Variants in CDK14 observed in about 807,000 individuals in gnomAD.
CDK14 encodes cyclin dependent kinase 14, also known as cyclin-dependent kinase 14.
CDK14 carries 34 observed loss-of-function variants against 60.7 expected under a neutral mutation model. The observed-to-expected ratio is 0.56, with a 90% confidence interval of 0.43 to 0.75. The LOEUF (loss-of-function observed/expected upper bound fraction) is 0.75, where lower values mean the gene tolerates loss of function less well. Among genes scored for constraint, CDK14 ranks in the 30% least tolerant of loss-of-function variants. The probability of loss-of-function intolerance (pLI) is 0.00; values close to 1 mark genes in which losing one functional copy is unlikely to be tolerated. For missense variants in CDK14, 482 were observed against 564.1 expected (o/e 0.85, Z 1.47); for synonymous variants, 197 against 203.7 (o/e 0.97, Z 0.28).
chr7:90,922,515 A>G (rs981844944), intron 8 of CDK14, among the ~76,000 whole-genome samples: 1 of 152,158 alleles, frequency 6.6e-6, no homozygotes, highest in African/African-American at 2.4e-5. Flanking sequence ...GACTATTAAG[A>G]TTACATGTTA....
intron 11 of CDK14, among the ~76,000 whole-genome samples, chr7:91,075,419 C>T (rs960856642): frequency 8.5e-5 from 13 of 152,134 alleles, no homozygotes; most frequent in East Asian, 1.9e-4. Flanking sequence ...AATTCAACAT[C>T]GCTTCATGTT....
chr7:90,945,389 G>A (rs911602771), intron 8 of CDK14, among the ~76,000 whole-genome samples: 7 of 152,156 alleles, frequency 4.6e-5, no homozygotes, highest in African/African-American at 1.7e-4. Flanking sequence ...CAATTGAGGG[G>A]TGTTCGATGA....
At chr7:90,655,695 A>G (rs563251881) in intron 2 of CDK14, among the ~76,000 whole-genome samples, 2 of 152,340 alleles carry the variant, frequency 1.3e-5, no homozygotes, top group African/African-American at 2.4e-5. Context: ...TATCTAGAGT[A>G]TGAACACTTC....
chr7:90,766,101 A>G (rs1584870548), intron 4 of CDK14, among the ~76,000 whole-genome samples: 1 of 152,142 alleles, frequency 6.6e-6, no homozygotes, highest in South Asian at 2.1e-4. Flanking sequence ...TTTGAAATTC[A>G]GGTACATCAT....
At chr7:90,845,963 C>A (rs564770074) in intron 5 of CDK14, among the ~76,000 whole-genome samples, 1 of 152,054 alleles carries the variant, frequency 6.6e-6, no homozygotes, top group South Asian at 2.1e-4. Flanking sequence ...GCTGGATGAA[C>A]CTTACAGAGG....
chr7:91,082,649 T>C (rs1349821386), intron 12 of CDK14, among the ~76,000 whole-genome samples: 1 of 152,206 alleles, frequency 6.6e-6, no homozygotes, highest in Admixed American at 6.6e-5. Flanking sequence ...TTTAGAAATG[T>C]TTCCTAACTT....
At chr7:91,077,743 TACAC>T (rs36101608) in intron 11 of CDK14, among the ~76,000 whole-genome samples, 93,687 of 148,544 alleles carry the variant, frequency 0.63, 29,431 homozygotes, top group East Asian at 0.88. Context: ...TTCACTTTTA[TACAC>T]ACACACACAC....
chr7:91,019,580 A>C (rs978645530), intron 10 of CDK14, among the ~76,000 whole-genome samples: 4 of 152,040 alleles, frequency 2.6e-5, no homozygotes, highest in African/African-American at 9.7e-5. Flanking sequence ...TCACACCTCT[A>C]TTCTCCCTTT....
chr7:90,602,908 A>G (rs994621279), intron 1 of CDK14, among the ~76,000 whole-genome samples: 1 of 152,246 alleles, frequency 6.6e-6, no homozygotes, highest in East Asian at 1.9e-4. Flanking sequence ...TTGAAAACAC[A>G]AATATATGAA....
At chr7:91,191,176 G>A (rs1427716706) in intron 14 of CDK14, among the ~76,000 whole-genome samples, 6 of 152,076 alleles carry the variant, frequency 3.9e-5, no homozygotes, top group African/African-American at 1.4e-4. Flanking sequence ...GCATTGTGGT[G>A]TTACTTTTGG....
chr7:91,204,737 C>T (rs1274670646), intron 14 of CDK14, among the ~76,000 whole-genome samples: 1 of 152,070 alleles, frequency 6.6e-6, no homozygotes. Flanking sequence ...TGGCTTGAGC[C>T]CAGGAGTTCA....
At chr7:90,755,072 A>C (rs1804001632) in intron 4 of CDK14, among the ~76,000 whole-genome samples, 1 of 152,204 alleles carries the variant, frequency 6.6e-6, no homozygotes, top group South Asian at 2.1e-4. Flanking sequence ...CAAAGAACTT[A>C]AAACAGGAAC....
intron 6 of CDK14, among the ~76,000 whole-genome samples, chr7:90,884,142 T>C (rs1390967885): frequency 6.6e-6 from 1 of 152,164 alleles, no homozygotes; most frequent in Non-Finnish European, 1.5e-5. Context: ...GGAAGTCAAG[T>C]TGTCTCTGTT....
chr7:90,833,075 T>C (rs954872603), intron 5 of CDK14, among the ~76,000 whole-genome samples: 7 of 152,206 alleles, frequency 4.6e-5, no homozygotes, highest in African/African-American at 7.2e-5. Context: ...AGGAGTGATA[T>C]TGGGTTATTC....
intron 14 of CDK14, among the ~76,000 whole-genome samples, chr7:91,150,354 A>G (rs917969064): frequency 5.9e-5 from 9 of 152,212 alleles, no homozygotes; most frequent in African/African-American, 2.2e-4. Context: ...TTAATTATCT[A>G]TTTAGTGAAA....
intron 2 of CDK14, among the ~76,000 whole-genome samples, chr7:90,638,878 A>G (rs1216135364): frequency 6.6e-6 from 1 of 150,722 alleles, no homozygotes; most frequent in African/African-American, 2.4e-5. Flanking sequence ...CATTTCATTC[A>G]TTTCATCTTC....
intron 10 of CDK14, among the ~76,000 whole-genome samples, chr7:90,993,832 T>C (rs959265367): frequency 6.6e-5 from 10 of 152,214 alleles, no homozygotes; most frequent in African/African-American, 2.4e-4. Context: ...TTTATTTACT[T>C]TTCTATTAAC....
chr7:90,750,871 C>CA (rs202062840), intron 4 of CDK14, among the ~76,000 whole-genome samples: 120 of 138,716 alleles, frequency 8.7e-4, no homozygotes, highest in African/African-American at 2.7e-3. Context: ...AGACTGTCTC[C>CA]AAAAAAAAAG....
chr7:91,014,023 G>A (rs1796236661), intron 10 of CDK14, among the ~76,000 whole-genome samples: 1 of 152,048 alleles, frequency 6.6e-6, no homozygotes. Context: ...GCTGAGGACG[G>A]TTTTATTAGT....
Sources: allele counts gnomAD v4.1 joint callset (sites outside exome capture counted in the v4.1 genomes callset), GRCh38; gene constraint gnomAD v4.1.1; transcripts MANE v1.5; gene names NCBI Gene and HGNC (gene_info 2026-07-23, HGNC 2026-07-21).